Variants in ABCA13 observed in about 807,000 individuals in gnomAD.
ABCA13 encodes the protein ATP-binding cassette sub-family A member 13.
In ABCA13, 476 loss-of-function variants were observed where a neutral mutation model predicts 478.7. The ratio of observed to expected loss-of-function variants is 0.99; its 90% confidence interval spans 0.92 to 1.07. ABCA13 has a LOEUF of 1.07. Among genes scored for constraint, ABCA13 ranks in the 50% least tolerant of loss-of-function variants. The pLI is 0.00. For missense variants in ABCA13, 6,060 were observed against 5,910.6 expected (o/e 1.03, Z -0.83); for synonymous variants, 2,252 against 2,158.9 (o/e 1.04, Z -1.20).
At chr7:48,527,619 A>G (rs531075995) in intron 54 of ABCA13, among the ~76,000 whole-genome samples, 1 of 152,208 alleles carries the variant, frequency 6.6e-6, no homozygotes, top group African/African-American at 2.4e-5. Flanking sequence ...AACTGAGTTG[A>G]CTCTATGCTC....
rs377369715 is a variant in ABCA13, at chr7:48,171,551, C to T, written c.68C>T (p.Pro23Leu). ...AATTGGCTCTGCAGACTCAGGAACC[C>T]GGTGAGTGCTTGCCTTGGTTTTCCA... ...WKNWLCRLRN[P>L]VLFLAEFFWP... Residue 23 changes from proline (P) to leucine (L), a missense_variant and splice_region_variant, in exon 1 of 62, where the codon CCG (proline) becomes CTG (leucine). Pro to Leu is a moderately conservative substitution (Grantham distance 98). This residue lies in a region of ABCA13 where 4,423 missense variants were observed against 4,309.1 expected (regional missense o/e 1.03). Coordinates refer to ENST00000435803, the MANE Select transcript of ABCA13 (RefSeq NM_152701.5). 3.3e-5 allele frequency: 51 copies of T among 1,536,206 alleles called. No homozygotes were observed. The highest frequency in any genetic ancestry group is 1.1e-4 in the South Asian group (9 of 84,008).
chr7:48,310,102 G>T lies in ABCA13; in HGVS notation c.9477G>T (p.Leu3159Phe). The stretch of plus-strand genomic sequence containing the variant: ...CAAAAGTGTATTCTCTGATTGTGTT[G>T]CTGAGTCGAAACTTGGATGTGCGAG... ...PGSKVYSLIV[L>F]LSRNLDVRAF... The change falls in exon 24 of 62, where the codon TTG becomes TTT. Residue 3159 changes from leucine (L) to phenylalanine (F), a missense_variant. Transcript: ENST00000435803. 1 of 1,613,456 alleles carries T rather than the reference G, an allele frequency of 6.2e-7. No individual in the cohort carries two copies. The highest frequency in any genetic ancestry group is 1.1e-5 in the South Asian group (1 of 91,036).
At chr7:48,327,726 G>T (rs745899747) in intron 27 of ABCA13, among the ~76,000 whole-genome samples, 9 of 152,074 alleles carry the variant, frequency 5.9e-5, no homozygotes, top group Non-Finnish European at 1.2e-4. Context: ...AAATAATAAG[G>T]ATCCTGTATA....
chr7:48,480,594 A>C (rs961914370), intron 45 of ABCA13, among the ~76,000 whole-genome samples: 3 of 152,198 alleles, frequency 2.0e-5, no homozygotes, highest in Non-Finnish European at 4.4e-5. Flanking sequence ...TGGTGTTGGC[A>C]TGCTGGTGAG....
rs150640711 is a variant in ABCA13 at position 48,363,074 on chromosome 7, G to A, written c.10689-4720G>A. On this transcript the variant is annotated intron_variant, in intron 31 of 61. Coordinates refer to ENST00000435803, the MANE Select transcript of ABCA13 (RefSeq NM_152701.5). ...GCTTTTACAGGAAAATGTACTCATTGCTTACCATCAGCCCTTTCACTGTAA... is the reference window on the plus strand; with the variant it reads ...GCTTTTACAGGAAAATGTACTCATTACTTACCATCAGCCCTTTCACTGTAA... Among the ~76,000 whole-genome samples the A allele has an allele frequency of 1.0e-3, 155 of 152,176 alleles. 1 individual carries two copies. The highest frequency in any genetic ancestry group is 3.5e-3 in the African/African-American group (146 of 41,528).
rs1833851932 is a variant in ABCA13 at position 48,540,027 on chromosome 7, T to C, written c.14354+11682T>C. On this transcript the variant is annotated intron_variant, in intron 55 of 61. Transcript: ENST00000435803. ...AGAGAAAATTTATTAGTTGAGCAAG[T>C]GTTTGAGGTTGGTATGTGTAAAGAG... 2.0e-5 allele frequency among the ~76,000 whole-genome samples: 3 copies of C among 152,136 alleles called. No individual in the cohort carries two copies. The South Asian group carries it at 6.2e-4, about 32-fold the overall frequency.
In ABCA13 at chr7:48,613,692, T is replaced by G. The variant is rs967329560; in HGVS notation, c.14745-1593T>G. ...TTAGTTGTATAGAAAATATTTATGT[T>G]TTCTGGAGCAAGTCTTCTTTCATGA... On this transcript the variant is annotated intron_variant, in intron 58 of 61. Transcript: ENST00000435803. 1.7e-4 allele frequency among the ~76,000 whole-genome samples: 26 copies of G among 151,030 alleles called. 1 individual carries two copies. The highest frequency in any genetic ancestry group is 1.7e-3 in the Admixed American group (25 of 14,922).
intron 31 of ABCA13, among the ~76,000 whole-genome samples, chr7:48,357,341 C>T (rs1810091524): frequency 6.6e-6 from 1 of 151,936 alleles, no homozygotes; most frequent in East Asian, 1.9e-4. Context: ...CTTGATGACC[C>T]TCAGCGCTCA....
intron 23 of ABCA13, among the ~76,000 whole-genome samples, chr7:48,301,813 T>C (rs907530804): frequency 2.0e-5 from 3 of 151,916 alleles, no homozygotes; most frequent in African/African-American, 7.2e-5. Flanking sequence ...AGGGCTTTTC[T>C]CTTTGATTTG....
chr7:48,420,013 A>G (rs531573907), intron 41 of ABCA13, among the ~76,000 whole-genome samples: 4 of 152,156 alleles, frequency 2.6e-5, no homozygotes, highest in Non-Finnish European at 4.4e-5. Context: ...GTCTCAACCA[A>G]TTTTGTCTCT....
intron 15 of ABCA13, among the ~76,000 whole-genome samples, chr7:48,260,465 A>G (rs1213037072): frequency 2.6e-5 from 4 of 152,004 alleles, no homozygotes. Flanking sequence ...GTTTTATCAC[A>G]TTTTTGTTAA....
chr7:48,171,536 G>A lies in ABCA13; in HGVS notation c.53G>A (p.Cys18Tyr), dbSNP rs1345893793. ...GCCCTGCTGTGGAAGAATTGGCTCT[G>A]CAGACTCAGGAACCCGGTGAGTGCT... is the stretch of plus-strand genomic sequence containing the variant. ...FKALLWKNWL[C>Y]RLRNPVLFLA... The change falls in exon 1 of 62, where the codon TGC (cysteine) becomes TAC (tyrosine). Residue 18 changes from cysteine (C) to tyrosine (Y), a missense_variant. Cys to Tyr is a radical substitution (Grantham distance 194). Around this residue, in one of 3 missense-constraint regions of ABCA13, gnomAD observed 4,423 missense variants for 4,309.1 expected, o/e 1.03. Transcript: ENST00000435803. 1.3e-6 allele frequency: 2 copies of A among 1,536,404 alleles called. No individual in the cohort carries two copies. Among genetic ancestry groups the A allele is most frequent in the Middle Eastern group, 1.9e-4 (1 of 5,308 alleles).
chr7:48,279,870 A>T lies in ABCA13; in HGVS notation c.8676A>T (p.Gly2892=). The part of the protein sequence containing the change: ...PFFCLEKYLG[G]LFVLTKYWQQ... ...TCTGTTTGGAGAAATACCTGGGAGG[A>T]TTATTTGTATTGACTAAATACTGGC... The change falls in exon 18 of 62, where the codon GGA becomes GGT. Residue 2892 remains glycine (G), a synonymous_variant. Coordinates refer to ENST00000435803, the MANE Select transcript of ABCA13 (RefSeq NM_152701.5). 3 of 1,543,566 alleles carry T rather than the reference A, an allele frequency of 1.9e-6. No individual in the cohort carries two copies. Among genetic ancestry groups the T allele is most frequent in the African/African-American group, 2.8e-5 (2 of 72,280 alleles).
At chr7:48,485,920 C>G (rs1306321504) in intron 47 of ABCA13, among the ~76,000 whole-genome samples, 1 of 152,184 alleles carries the variant, frequency 6.6e-6, no homozygotes, top group Non-Finnish European at 1.5e-5. Flanking sequence ...CCATTGCCCT[C>G]CATAGCTATG....
intron 55 of ABCA13, among the ~76,000 whole-genome samples, chr7:48,578,187 C>A (rs1221229371): frequency 6.6e-6 from 1 of 152,126 alleles, no homozygotes; most frequent in African/African-American, 2.4e-5. Flanking sequence ...TCCATTCTTA[C>A]CTCAATACTC....
chr7:48,509,444 G>A (rs769915933), intron 50 of ABCA13, among the ~76,000 whole-genome samples: 1 of 152,128 alleles, frequency 6.6e-6, no homozygotes, highest in African/African-American at 2.4e-5. Flanking sequence ...CAACACACAG[G>A]GGGCCACGTT....
intron 23 of ABCA13, among the ~76,000 whole-genome samples, chr7:48,303,419 G>C (rs1374311980): frequency 6.6e-6 from 1 of 152,066 alleles, no homozygotes; most frequent in East Asian, 1.9e-4. Context: ...CCATTCCTAT[G>C]TCCAGAATAG....
intron 42 of ABCA13, among the ~76,000 whole-genome samples, chr7:48,434,093 C>T (rs1453464679): frequency 2.0e-5 from 3 of 151,800 alleles, no homozygotes; most frequent in Non-Finnish European, 4.4e-5. Context: ...ATTGCTGTAT[C>T]ATTTTCCACA....
chr7:48,521,549 G>A (rs1003035738), intron 53 of ABCA13, among the ~76,000 whole-genome samples: 1 of 152,132 alleles, frequency 6.6e-6, no homozygotes, highest in Non-Finnish European at 1.5e-5. Flanking sequence ...TGAACCTGGA[G>A]TAAAATGCAG....
Sources: allele counts gnomAD v4.1 joint callset (sites outside exome capture counted in the v4.1 genomes callset), GRCh38; gene constraint gnomAD v4.1.1; regional missense constraint gnomAD v4.1.1; transcripts MANE v1.5; gene names NCBI Gene and HGNC (gene_info 2026-07-23, HGNC 2026-07-21).